The following KIAA1549L variants were observed in gnomAD, a reference collection of about 807,000 sequenced individuals.
The protein encoded by KIAA1549L is KIAA1549 like, also known as UPF0606 protein KIAA1549L.
A neutral mutation model predicts 160.7 loss-of-function variants in KIAA1549L; 88 were observed. The ratio of observed to expected loss-of-function variants is 0.55; its 90% CI spans 0.46 to 0.65. The LOEUF (loss-of-function observed/expected upper bound fraction) is 0.65. Ranked by LOEUF, KIAA1549L falls within the 30% of genes least tolerant of loss-of-function variation. The pLI is 0.00. For synonymous variants in KIAA1549L, 950 were observed against 976.7 expected (o/e 0.97, Z 0.51); for missense variants, 2,258 against 2,437.5 (o/e 0.93, Z 1.55).
intron 11 of KIAA1549L, among the ~76,000 whole-genome samples, chr11:33,589,143 A>G (rs1849968943): frequency 6.6e-6 from 1 of 152,244 alleles, no homozygotes; most frequent in South Asian, 2.1e-4. Flanking sequence ...TTATGCAGCC[A>G]AAAGACACAT....
intron 1 of KIAA1549L, among the ~76,000 whole-genome samples, chr11:33,528,086 A>G (rs1042840058): frequency 1.3e-5 from 2 of 152,212 alleles, no homozygotes; most frequent in Admixed American, 6.5e-5. Flanking sequence ...ACCTCCAGCC[A>G]TGATTGCGAG....
intron 20 of KIAA1549L, among the ~76,000 whole-genome samples, chr11:33,663,639 G>A (rs1564948938): frequency 6.6e-6 from 1 of 152,148 alleles, no homozygotes; most frequent in Non-Finnish European, 1.5e-5. Flanking sequence ...TGAAATGCAG[G>A]GAAAGGGAAT....
At chr11:33,631,515 G>A (rs187496155) in intron 16 of KIAA1549L, among the ~76,000 whole-genome samples, 64 of 152,290 alleles carry the variant, frequency 4.2e-4, no homozygotes, top group Admixed American at 7.8e-4. Context: ...AGCAGCATCC[G>A]TGGTCTCTAC....
intron 1 of KIAA1549L, among the ~76,000 whole-genome samples, chr11:33,489,437 C>T (rs1044988462): frequency 1.3e-5 from 2 of 152,162 alleles, no homozygotes; most frequent in Non-Finnish European, 2.9e-5. Flanking sequence ...TCTCCTGATA[C>T]CATCATGTTG....
At chr11:33,420,609 G>A (rs763057537) in intron 1 of KIAA1549L, among the ~76,000 whole-genome samples, 5 of 152,126 alleles carry the variant, frequency 3.3e-5, no homozygotes, top group Non-Finnish European at 2.9e-5. Flanking sequence ...AAGAACTACC[G>A]TTTTAGGGAG....
chr11:33,487,035 A>G (rs981260670), intron 1 of KIAA1549L, among the ~76,000 whole-genome samples: 2 of 152,178 alleles, frequency 1.3e-5, no homozygotes, highest in African/African-American at 4.8e-5. Context: ...GTGGATCTCC[A>G]TAGCAATTTA....
At chr11:33,504,959 G>T (rs1304921471) in intron 1 of KIAA1549L, among the ~76,000 whole-genome samples, 1 of 152,186 alleles carries the variant, frequency 6.6e-6, no homozygotes, top group South Asian at 2.1e-4. Flanking sequence ...TAGAGACAGG[G>T]TTTTGCCATG....
chr11:33,648,221 C>G (rs1451205380), intron 17 of KIAA1549L, among the ~76,000 whole-genome samples: 1 of 152,044 alleles, frequency 6.6e-6, no homozygotes, highest in Non-Finnish European at 1.5e-5. Flanking sequence ...GTCTCAAACT[C>G]CTGACCTCAG....
chr11:33,614,801 C>T (rs1235779387), intron 15 of KIAA1549L, among the ~76,000 whole-genome samples: 7 of 149,924 alleles, frequency 4.7e-5, no homozygotes, highest in Non-Finnish European at 8.9e-5. Flanking sequence ...TTAATAGAGA[C>T]GGGGTTTCAC....
chr11:33,522,308 T>C (rs1230397135), intron 1 of KIAA1549L, among the ~76,000 whole-genome samples: 2 of 152,236 alleles, frequency 1.3e-5, no homozygotes, highest in Non-Finnish European at 2.9e-5. Context: ...GATATCATAT[T>C]AATGGCGTTA....
intron 1 of KIAA1549L, among the ~76,000 whole-genome samples, chr11:33,477,195 A>G (rs1220151138): frequency 3.3e-5 from 5 of 152,014 alleles, no homozygotes; most frequent in African/African-American, 9.7e-5. Context: ...TCTCCAGAGG[A>G]GTCTCCCTGG....
intron 8 of KIAA1549L, among the ~76,000 whole-genome samples, chr11:33,562,873 G>C (rs1854914844): frequency 1.3e-5 from 2 of 151,652 alleles, no homozygotes; most frequent in Admixed American, 6.6e-5. Flanking sequence ...TAGAGATGGG[G>C]TTTCACCATG....
At chr11:33,398,366 G>A (rs1020473471) in intron 1 of KIAA1549L, among the ~76,000 whole-genome samples, 4 of 152,058 alleles carry the variant, frequency 2.6e-5, no homozygotes, top group African/African-American at 9.7e-5. Flanking sequence ...GGTAAGCTGA[G>A]TACAGGAACT....
rs562710568 is a variant in KIAA1549L at position 33,504,431 on chromosome 11, T to TTTCCCTTCCCTTCCCTTCCCTTCCC, written c.239-37363_239-37339dup. Among the ~76,000 whole-genome samples, 79 of 150,688 alleles carry TTTCCCTTCCCTTCCCTTCCCTTCCC rather than the reference T, an allele frequency of 5.2e-4. 2 individuals carry two copies. Among genetic ancestry groups the TTTCCCTTCCCTTCCCTTCCCTTCCC allele is most frequent in the African/African-American group, 1.9e-3 (76 of 40,830 alleles). ...CCAATCAAATAGGTATCATTGCAGA[T>TTTCCCTTCCCTTCCCTTCCCTTCCC]TTCCCTTCCCTTCCCTTCCCTTCCC... On this transcript the variant is annotated intron_variant, in intron 1 of 20. Transcript: ENST00000658780.
chr11:33,536,494 T>G (rs1414766850), intron 1 of KIAA1549L, among the ~76,000 whole-genome samples: 2 of 152,162 alleles, frequency 1.3e-5, no homozygotes, highest in Non-Finnish European at 2.9e-5. Context: ...GAGTGGGGGC[T>G]GGCTTCCAGG....
intron 20 of KIAA1549L, among the ~76,000 whole-genome samples, chr11:33,665,815 G>T (rs934357243): frequency 4.6e-5 from 7 of 152,150 alleles, no homozygotes; most frequent in African/African-American, 1.2e-4. Context: ...CCCCTACAGG[G>T]GGAAGAGAGA....
chr11:33,630,703 C>CCGGTA (rs1851261139), intron 16 of KIAA1549L, among the ~76,000 whole-genome samples: 1 of 152,130 alleles, frequency 6.6e-6, no homozygotes, highest in Non-Finnish European at 1.5e-5. Flanking sequence ...TGAGATGAAC[C>CCGGTA]CGGTACCTCA....
At chr11:33,482,668 C>T (rs1445727403) in intron 1 of KIAA1549L, among the ~76,000 whole-genome samples, 5 of 149,944 alleles carry the variant, frequency 3.3e-5, no homozygotes, top group Non-Finnish European at 5.9e-5. Context: ...TTTCCAGGTT[C>T]CAGTGATTCT....
At chr11:33,650,482 A>C (rs1395324056) in intron 17 of KIAA1549L, among the ~76,000 whole-genome samples, 1 of 151,954 alleles carries the variant, frequency 6.6e-6, no homozygotes, top group East Asian at 1.9e-4. Context: ...TTTTATGGGG[A>C]CCTACATGAT....
Sources: gnomAD v4.1 joint callset for allele counts (sites outside exome capture counted in the v4.1 genomes callset) on GRCh38, gnomAD v4.1.1 for gene constraint, MANE v1.5 for transcripts, NCBI Gene and HGNC (gene_info 2026-07-23, HGNC 2026-07-21) for gene names.